TOX: variants seen among roughly 807,000 people sequenced by gnomAD.
TOX encodes thymocyte selection associated high mobility group box.
Under a neutral mutation model 53.7 loss-of-function variants are expected in TOX, and 11 were observed. The ratio of observed to expected loss-of-function variants is 0.20; its 90% CI spans 0.13 to 0.34. TOX has a LOEUF of 0.34. Ranked by LOEUF, TOX falls within the 10% of genes least tolerant of loss-of-function variation. TOX has a pLI of 1.00. For synonymous variants in TOX, 225 were observed against 245.3 expected (o/e 0.92, Z 0.77); for missense variants, 570 against 664.6 (o/e 0.86, Z 1.56).
intron 3 of TOX, among the ~76,000 whole-genome samples, chr8:58,898,061 T>C (rs542996440): frequency 6.6e-6 from 1 of 152,344 alleles, no homozygotes; most frequent in South Asian, 2.1e-4. Flanking sequence ...TTCAGGAACC[T>C]TTCTCCATTA....
chr8:58,861,083 G>GT (rs2129169120), intron 3 of TOX, among the ~76,000 whole-genome samples: 1 of 152,286 alleles, frequency 6.6e-6, no homozygotes, highest in South Asian at 2.1e-4. Flanking sequence ...ATATTACCAA[G>GT]TTTGACACAC....
Position 58,900,993 on chromosome 8 carries a change from C to T in TOX, c.411+38309G>A, listed in dbSNP as rs1811727229. Among the ~76,000 whole-genome samples the T allele has an allele frequency of 2.6e-5, 4 of 152,042 alleles. No individual in the cohort carries two copies. The South Asian group carries it at 8.3e-4, about 32-fold the overall frequency. ...ACTAAAAAGAATCCACTATTTTAAC[C>T]CTATACCTTGGACAGCATCAGTCAA... On this transcript the variant is annotated intron_variant, in intron 3 of 8. Transcript: ENST00000361421.
intron 1 of TOX, among the ~76,000 whole-genome samples, chr8:59,034,389 C>A (rs1814416581): frequency 6.6e-6 from 1 of 152,246 alleles, no homozygotes. Context: ...CCCAGCTCAA[C>A]TGGAGAATAT....
At chr8:58,871,039 G>A (rs1387157804) in intron 3 of TOX, among the ~76,000 whole-genome samples, 7 of 152,006 alleles carry the variant, frequency 4.6e-5, no homozygotes, top group Admixed American at 6.6e-5. Context: ...CCTTCAATAC[G>A]TAAATGGATG....
At chr8:59,072,212 A>G (rs1183070109) in intron 1 of TOX, among the ~76,000 whole-genome samples, 1 of 152,250 alleles carries the variant, frequency 6.6e-6, no homozygotes, top group African/African-American at 2.4e-5. Flanking sequence ...CCAACCAAAA[A>G]GGAAATAAGA....
At chr8:58,978,454 A>G (rs527593959) in intron 1 of TOX, among the ~76,000 whole-genome samples, 1 of 152,368 alleles carries the variant, frequency 6.6e-6, no homozygotes, top group South Asian at 2.1e-4. Flanking sequence ...ATATGCACGC[A>G]CAGTGGTCTT....
intron 1 of TOX, among the ~76,000 whole-genome samples, chr8:59,053,384 C>A (rs964913973): frequency 3.3e-5 from 5 of 152,148 alleles, no homozygotes; most frequent in Non-Finnish European, 5.9e-5. Context: ...TCTACGGCAA[C>A]CTTGCGCTCA....
intron 1 of TOX, among the ~76,000 whole-genome samples, chr8:58,988,842 G>A (rs184235210): frequency 6.6e-6 from 1 of 152,270 alleles, no homozygotes; most frequent in Admixed American, 6.5e-5. Context: ...CCAAACCAAT[G>A]GTCAGGTAGT....
rs1812399153 is a variant in TOX, at chr8:58,939,499, G to A, written c.214C>T (p.Pro72Ser). 1.9e-6 allele frequency: 3 copies of A among 1,614,026 alleles called. No homozygotes were observed. Among genetic ancestry groups the A allele is most frequent in the African/African-American group, 1.3e-5 (1 of 74,926 alleles). Residue 72 changes from proline to serine, a missense_variant, in exon 3 of 9, where the codon CCA (proline) becomes TCA (serine). Coordinates refer to ENST00000361421, the MANE Select transcript of TOX (RefSeq NM_014729.3). ...SLESEDFNIP[P>S]ITPPSLPDHS... Reference sequence around the variant, plus strand: ...TCTGGGAGGGAAGGAGGAGTAATTGGTGGAATGTTGAAGTCTTCACTTTCC... The same window carrying A: ...TCTGGGAGGGAAGGAGGAGTAATTGATGGAATGTTGAAGTCTTCACTTTCC...
At chr8:59,019,271 AG>A (rs1387887982) in intron 1 of TOX, among the ~76,000 whole-genome samples, 1 of 152,222 alleles carries the variant, frequency 6.6e-6, no homozygotes, top group Admixed American at 6.5e-5. Flanking sequence ...AGTATTCTTC[AG>A]GGTATCATGT....
intron 2 of TOX, among the ~76,000 whole-genome samples, chr8:58,944,227 C>T (rs1342536712): frequency 6.6e-6 from 1 of 152,136 alleles, no homozygotes; most frequent in Non-Finnish European, 1.5e-5. Context: ...CCCAGCGCCA[C>T]TGAATGTGGG....
intron 1 of TOX, among the ~76,000 whole-genome samples, chr8:58,989,966 A>G (rs902401368): frequency 2.0e-5 from 3 of 152,206 alleles, no homozygotes; most frequent in African/African-American, 7.2e-5. Flanking sequence ...GAATCACTCC[A>G]GAGACACAAA....
intron 3 of TOX, among the ~76,000 whole-genome samples, chr8:58,901,270 G>A (rs960184941): frequency 5.3e-5 from 8 of 152,080 alleles, no homozygotes; most frequent in African/African-American, 1.4e-4. Flanking sequence ...TGCACTTTAT[G>A]TTCCACAAGA....
In TOX at chr8:59,092,274, TA is replaced by T. The variant is rs11336252; in HGVS notation, c.102+26611del. 4.3e-3 allele frequency among the ~76,000 whole-genome samples: 396 copies of T among 91,402 alleles called. 39 individuals carry two copies. In the African/African-American group the frequency reaches 0.046, roughly 11 times the overall value. 60.0% of individuals were successfully genotyped at this position (91,402 alleles called of 152,430 possible). A position where few individuals can be genotyped will look rare whatever the true frequency, so the allele number is the denominator to read the frequency against. ...CTCATATATATATATTTTATATATA[TA>T]TATATATTATATATACATTATATAT... On this transcript the variant is annotated intron_variant, in intron 1 of 8. Coordinates refer to ENST00000361421, the MANE Select transcript of TOX (RefSeq NM_014729.3).
Position 59,037,587 on chromosome 8 carries a change from C to T in TOX, c.103-77579G>A, listed in dbSNP as rs528089868. Among the ~76,000 whole-genome samples the T allele has an allele frequency of 3.5e-3, 540 of 152,164 alleles. 3 individuals carry two copies. Among genetic ancestry groups the T allele is most frequent in the African/African-American group, 0.012 (504 of 41,500 alleles). On this transcript the variant is annotated intron_variant, in intron 1 of 8. Coordinates refer to ENST00000361421, the MANE Select transcript of TOX (RefSeq NM_014729.3). ...GGGAAGCCAAAGTGGGCAGATCACACGGTCAGGAGTCTGAAACCAGCCTGG... is the reference window on the plus strand; with the variant it reads ...GGGAAGCCAAAGTGGGCAGATCACATGGTCAGGAGTCTGAAACCAGCCTGG...
chr8:59,086,280 C>A (rs1220557921), intron 1 of TOX, among the ~76,000 whole-genome samples: 1 of 152,078 alleles, frequency 6.6e-6, no homozygotes, highest in Non-Finnish European at 1.5e-5. Flanking sequence ...CCACCATACC[C>A]GGACTAAAGC....
At chr8:58,966,469 A>G (rs1812902074) in intron 1 of TOX, among the ~76,000 whole-genome samples, 1 of 152,098 alleles carries the variant, frequency 6.6e-6, no homozygotes, top group South Asian at 2.1e-4. Flanking sequence ...TAAACACTCA[A>G]CTACAGATCT....
chr8:59,035,990 A>C (rs1814451251), intron 1 of TOX, among the ~76,000 whole-genome samples: 1 of 152,204 alleles, frequency 6.6e-6, no homozygotes, highest in Non-Finnish European at 1.5e-5. Flanking sequence ...ACTCCCCTTG[A>C]CCACACAGCT....
intron 1 of TOX, among the ~76,000 whole-genome samples, chr8:59,068,368 GT>G (rs1316029955): frequency 5.3e-5 from 8 of 151,658 alleles, no homozygotes; most frequent in African/African-American, 1.7e-4. Context: ...GGAGATAGCT[GT>G]AAAGGAGACG....
Sources: gnomAD v4.1 joint callset for allele counts (sites outside exome capture counted in the v4.1 genomes callset) on GRCh38, gnomAD v4.1.1 for gene constraint, MANE v1.5 for transcripts, NCBI Gene and HGNC (gene_info 2026-07-23, HGNC 2026-07-21) for gene names.